SLC1A1: variants seen among roughly 807,000 people sequenced by gnomAD.
The protein encoded by SLC1A1 is excitatory amino acid transporter 3.
SLC1A1 carries 43 observed loss-of-function variants against 53.3 expected under a neutral mutation model. The ratio of observed to expected loss-of-function variants is 0.81; its 90% CI spans 0.63 to 1.04. The LOEUF (loss-of-function observed/expected upper bound fraction) is 1.04. Among genes scored for constraint, SLC1A1 ranks in the 50% least tolerant of loss-of-function variants. SLC1A1 has a pLI of 0.00. For synonymous variants in SLC1A1, 307 were observed against 243.2 expected, an observed-to-expected ratio of 1.26 and a Z score of -2.44; for missense variants, 748 against 664.9, an observed-to-expected ratio of 1.12 and a Z score of -1.37.
At chr9:4,574,399 G>C (rs1448001560) in intron 8 of SLC1A1, among the ~76,000 whole-genome samples, 1 of 152,186 alleles carries the variant, frequency 6.6e-6, no homozygotes, top group Non-Finnish European at 1.5e-5. Flanking sequence ...GAACCTGAAA[G>C]AAATTAGCAA....
chr9:4,576,726 G>C lies in SLC1A1; in HGVS notation c.1156G>C (p.Asp386His). ...AGCGGTGTTTATTGCACAGTTGAAT[G>C]ACCTGGACTTGGGCATTGGGCAGAT... The part of the protein sequence containing the change: ...VAAVFIAQLN[D>H]LDLGIGQIIT... Residue 386 changes from aspartate to histidine, a missense_variant, in exon 10 of 12, where the codon GAC becomes CAC. Physicochemically the swap from Asp to His is moderately conservative, Grantham distance 81. Coordinates refer to ENST00000262352, the MANE Select transcript of SLC1A1 (RefSeq NM_004170.6). 6.2e-7 allele frequency: 1 copy of C among 1,614,192 alleles called. No individual in the cohort carries two copies. Among genetic ancestry groups the C allele is most frequent in the Middle Eastern group, 1.7e-4 (1 of 6,044 alleles).
intron 1 of SLC1A1, among the ~76,000 whole-genome samples, chr9:4,520,071 C>A (rs1816013478): frequency 6.6e-6 from 1 of 152,188 alleles, no homozygotes; most frequent in Non-Finnish European, 1.5e-5. Context: ...TAAGCATCTC[C>A]TTTACAGGCT....
In SLC1A1 at chr9:4,512,432, C is replaced by T. The variant is rs567244249; in HGVS notation, c.91+21662C>T. ...CTGAGGTGGGAGGATTGCTTGAGCCCGGGAGATTGAAGCTGCAGCGAGCCA... is the reference window on the plus strand; with the variant it reads ...CTGAGGTGGGAGGATTGCTTGAGCCTGGGAGATTGAAGCTGCAGCGAGCCA... On this transcript the variant is annotated intron_variant, in intron 1 of 11. Coordinates refer to ENST00000262352, the MANE Select transcript of SLC1A1 (RefSeq NM_004170.6). Among the ~76,000 whole-genome samples, 15 of 152,082 alleles carry T rather than the reference C, an allele frequency of 9.9e-5. No homozygotes were observed. In the East Asian group the frequency reaches 1.2e-3, roughly 12 times the overall value.
chr9:4,580,583 GAAA>G (rs779115391), intron 10 of SLC1A1, among the ~76,000 whole-genome samples: 1 of 121,464 alleles, frequency 8.2e-6, no homozygotes, highest in Non-Finnish European at 1.7e-5. Flanking sequence ...CTTGTCTCTG[GAAA>G]AAAAAAAAAT....
intron 1 of SLC1A1, among the ~76,000 whole-genome samples, chr9:4,493,245 A>T (rs749476842): frequency 3.3e-5 from 5 of 152,192 alleles, no homozygotes; most frequent in Non-Finnish European, 7.4e-5. Flanking sequence ...AGAAGTCTCA[A>T]ACCTAGACCA....
intron 10 of SLC1A1, among the ~76,000 whole-genome samples, chr9:4,578,233 G>A (rs945302603): frequency 3.9e-5 from 6 of 152,194 alleles, no homozygotes; most frequent in Non-Finnish European, 5.9e-5. Flanking sequence ...GCTTGTATTG[G>A]AATCGCGGCT....
intron 1 of SLC1A1, among the ~76,000 whole-genome samples, chr9:4,504,384 A>T (rs951458): frequency 0.017 from 2,622 of 152,280 alleles, 61 homozygotes; most frequent in African/African-American, 0.06. Context: ...GATTATTTCT[A>T]TGATAAGAAA....
At chr9:4,563,417 A>C (rs1819172372) in intron 3 of SLC1A1, among the ~76,000 whole-genome samples, 1 of 152,218 alleles carries the variant, frequency 6.6e-6, no homozygotes, top group Non-Finnish European at 1.5e-5. Context: ...TATTAGCTGG[A>C]GGCGTATAGC....
intron 1 of SLC1A1, among the ~76,000 whole-genome samples, chr9:4,542,654 A>G (rs1455643532): frequency 6.6e-6 from 1 of 152,248 alleles, no homozygotes; most frequent in Admixed American, 6.5e-5. Context: ...TGTTTTTTAA[A>G]GTCCTGGGAA....
intron 6 of SLC1A1, among the ~76,000 whole-genome samples, chr9:4,568,470 C>G (rs1253351174): frequency 6.6e-6 from 1 of 151,374 alleles, no homozygotes; most frequent in South Asian, 2.1e-4. Flanking sequence ...CTTGTAATCT[C>G]AGTACTTTGG....
chr9:4,571,539 T>G (rs975287594), intron 6 of SLC1A1, among the ~76,000 whole-genome samples: 1 of 151,978 alleles, frequency 6.6e-6, no homozygotes. Flanking sequence ...TAATTGGGTG[T>G]GGGGGCGGAT....
At chr9:4,496,275 C>T (rs774597007) in intron 1 of SLC1A1, among the ~76,000 whole-genome samples, 20 of 152,142 alleles carry the variant, frequency 1.3e-4, no homozygotes, top group African/African-American at 3.6e-4. Flanking sequence ...AGTTCAACAG[C>T]GTTGGGGATA....
At chr9:4,537,790 T>C (rs187709047) in intron 1 of SLC1A1, among the ~76,000 whole-genome samples, 124 of 151,418 alleles carry the variant, frequency 8.2e-4, no homozygotes, top group African/African-American at 2.9e-3. Flanking sequence ...AAGTGGGGAG[T>C]GACTAACAGG....
intron 1 of SLC1A1, among the ~76,000 whole-genome samples, chr9:4,535,979 C>G (rs10974604): frequency 0.32 from 48,201 of 151,974 alleles, 9,103 homozygotes; most frequent in Admixed American, 0.42. Flanking sequence ...GCTGGGAAAA[C>G]TGGCTAGCCA....
intron 1 of SLC1A1, among the ~76,000 whole-genome samples, chr9:4,499,029 A>G (rs574889345): frequency 4.3e-4 from 58 of 135,340 alleles, no homozygotes; most frequent in Middle Eastern, 3.7e-3. Flanking sequence ...AAGATTACAT[A>G]TTATATATGT....
intron 11 of SLC1A1, among the ~76,000 whole-genome samples, chr9:4,584,988 G>T (rs1821456856): frequency 6.6e-6 from 1 of 152,154 alleles, no homozygotes; most frequent in South Asian, 2.1e-4. Context: ...CCAAGATAGA[G>T]GTTAGGGCTG....
chr9:4,582,204 T>A (rs957074827), intron 10 of SLC1A1, among the ~76,000 whole-genome samples: 6 of 152,096 alleles, frequency 3.9e-5, no homozygotes, highest in African/African-American at 1.4e-4. Context: ...GACTGCACAT[T>A]ACAAAGAAAA....
chr9:4,564,031 T>C (rs892950866), intron 3 of SLC1A1, among the ~76,000 whole-genome samples: 1 of 152,154 alleles, frequency 6.6e-6, no homozygotes, highest in African/African-American at 2.4e-5. Flanking sequence ...AAAAAGAATA[T>C]TCTCATCAGC....
rs1293850817 is a variant in SLC1A1, at chr9:4,583,021, C to T, written c.1194-17C>T. 1 of 1,614,074 alleles carries T rather than the reference C, an allele frequency of 6.2e-7. No homozygotes were observed. Among genetic ancestry groups the T allele is most frequent in the Non-Finnish European group, 8.5e-7 (1 of 1,180,014 alleles). On this transcript the variant is annotated splice_polypyrimidine_tract_variant and intron_variant, in intron 10 of 11. Coordinates refer to ENST00000262352, the MANE Select transcript of SLC1A1 (RefSeq NM_004170.6). This position sits in a 1 kb window ranked among gnomAD's most constrained non-coding sequence, Gnocchi z 4.6. ...AGGTAAGTGTCTAACTCCTTTCCTG[C>T]TGGTATGTTTCTGCAGTATCACGGC...
Sources: gnomAD v4.1 joint callset for allele counts (sites outside exome capture counted in the v4.1 genomes callset) on GRCh38, gnomAD v4.1.1 for gene constraint, Gnocchi (gnomAD v3.1) non-coding constraint, MANE v1.5 for transcripts, NCBI Gene and HGNC (gene_info 2026-07-23, HGNC 2026-07-21) for gene names.